Variants in SLC12A8 observed in about 807,000 individuals in gnomAD.
SLC12A8 encodes solute carrier family 12 member 8.
In SLC12A8, 69 loss-of-function variants were observed where a neutral mutation model predicts 75.6. That is an observed-to-expected ratio of 0.91 (90% CI 0.75 to 1.11). SLC12A8 has a LOEUF of 1.11. Ranked by LOEUF, SLC12A8 falls within the 50% of genes most tolerant of loss-of-function variation. The probability of loss-of-function intolerance (pLI) is 0.00; values close to 1 mark genes in which losing one functional copy is unlikely to be tolerated. For synonymous variants in SLC12A8, 365 were observed against 372.8 expected (o/e 0.98, Z 0.24); for missense variants, 877 against 896.7 (o/e 0.98, Z 0.28).
In SLC12A8 at chr3:125,083,709, G is replaced by A. The variant is rs1427435478; in HGVS notation, c.*181C>T. 14 of 599,538 alleles carry A rather than the reference G, an allele frequency of 2.3e-5. No homozygotes were observed. Among genetic ancestry groups the A allele is most frequent in the Admixed American group, 3.3e-5 (1 of 30,594 alleles). The allele number at this position is 599,538 out of a possible 1,614,324, so 37.1% of individuals were successfully genotyped here. On this transcript the variant is annotated 3_prime_UTR_variant, in exon 14 of 14. Coordinates refer to ENST00000469902, the MANE Select transcript of SLC12A8 (RefSeq NM_024628.6). ...TGGACTCCAGCCTGGGTGACAGGGC[G>A]AGACTCTGTCTCAAAAAAAAAAAAA...
chr3:125,107,905 G>T lies in SLC12A8; in HGVS notation c.1281C>A (p.Leu427=), dbSNP rs1939073664. The T allele has an allele frequency of 6.2e-7, 1 of 1,614,092 alleles. No individual in the cohort carries two copies. Residue 427 remains leucine, a synonymous_variant, in exon 10 of 14, where the codon CTC becomes CTA. Coordinates refer to ENST00000469902, the MANE Select transcript of SLC12A8 (RefSeq NM_024628.6). The stretch of plus-strand genomic sequence containing the variant: ...CTAAGAGCAGGTGCTCAGAGCAGTG[G>T]AGGCCTTCTGCGCCCTCCCTGAGCA... The part of the protein sequence containing the change: ...EPVLREGAEG[L]HCSEHLLLEK...
chr3:125,203,065 G>A (rs1935156394), intron 2 of SLC12A8, among the ~76,000 whole-genome samples: 1 of 145,450 alleles, frequency 6.9e-6, no homozygotes, highest in African/African-American at 2.6e-5. Context: ...TCTAGCCTGG[G>A]GGACAAGAGC....
chr3:125,110,372 C>T, intron 8 of SLC12A8, 37 bp from the exon 9 acceptor site: 1 of 1,599,264 alleles, frequency 6.3e-7, no homozygotes, highest in Non-Finnish European at 8.5e-7. Context: ...AGTGCCAGAA[C>T]CTGCTCCTGT....
intron 11 of SLC12A8, 86 bp downstream of exon 11, chr3:125,092,015 C>T: frequency 8.8e-6 from 8 of 913,066 alleles, no homozygotes; most frequent in Non-Finnish European, 1.4e-5. Flanking sequence ...GGCCCTCCAT[C>T]TTTCCTCCCC....
intron 4 of SLC12A8, among the ~76,000 whole-genome samples, chr3:125,185,110 C>T (rs1173608172): frequency 1.3e-5 from 2 of 152,110 alleles, no homozygotes; most frequent in Non-Finnish European, 2.9e-5. Flanking sequence ...CACCTCAGGT[C>T]GGGAGTTCAA....
intron 5 of SLC12A8, among the ~76,000 whole-genome samples, chr3:125,161,876 T>C (rs1446207351): frequency 6.6e-6 from 1 of 152,194 alleles, no homozygotes; most frequent in Non-Finnish European, 1.5e-5. Flanking sequence ...TCTCCTTTCC[T>C]TGCAAACAAA....
At chr3:125,195,611 C>T (rs1406200288) in intron 2 of SLC12A8, among the ~76,000 whole-genome samples, 5 of 144,162 alleles carry the variant, frequency 3.5e-5, no homozygotes, top group Admixed American at 1.4e-4. Context: ...TTTTTTTCTC[C>T]ATATCTGTGC....
intron 10 of SLC12A8, among the ~76,000 whole-genome samples, chr3:125,107,259 A>G (rs1939050347): frequency 6.6e-6 from 1 of 152,244 alleles, no homozygotes; most frequent in South Asian, 2.1e-4. Flanking sequence ...GGTCTAACAT[A>G]CAGGAGTAGA....
rs371545381 is a variant in SLC12A8 at position 125,107,457 on chromosome 3, C to A, written c.1705+24G>T. 1,441 of 1,581,680 alleles carry A rather than the reference C, an allele frequency of 9.1e-4. 3 individuals are homozygous for A. The highest frequency in any genetic ancestry group is 1.1e-3 in the Non-Finnish European group (1,300 of 1,158,634). On this transcript the variant is annotated intron_variant, in intron 10 of 13. Transcript: ENST00000469902. Reference sequence around the variant, plus strand: ...AGTGGTCATCCCCAAATAAGAGGCCCCAGTGTGATACCAGAGCACTCACCT... The same window carrying A: ...AGTGGTCATCCCCAAATAAGAGGCCACAGTGTGATACCAGAGCACTCACCT...
chr3:125,191,752 C>T lies in SLC12A8; in HGVS notation c.52-1231G>A, dbSNP rs552166636. Reference sequence around the variant, plus strand: ...GAGGATCCCAGCTCCTCTTCCACCTCCTGTATCAGACATCCACAGATCAAG... The same window carrying T: ...GAGGATCCCAGCTCCTCTTCCACCTTCTGTATCAGACATCCACAGATCAAG... On this transcript the variant is annotated intron_variant, in intron 2 of 13. Transcript: ENST00000469902. 5.9e-5 allele frequency among the ~76,000 whole-genome samples: 9 copies of T among 152,290 alleles called. No homozygotes were observed. The East Asian group carries it at 1.7e-3, about 29-fold the overall frequency.
At chr3:125,149,199 G>T (rs1000882461) in intron 5 of SLC12A8, among the ~76,000 whole-genome samples, 2 of 152,218 alleles carry the variant, frequency 1.3e-5, no homozygotes, top group Non-Finnish European at 2.9e-5. Flanking sequence ...AGACTCGGGG[G>T]TCGAAGCTGG....
At chr3:125,194,601 G>A (rs1352779289) in intron 2 of SLC12A8, among the ~76,000 whole-genome samples, 1 of 152,220 alleles carries the variant, frequency 6.6e-6, no homozygotes, top group Non-Finnish European at 1.5e-5. Flanking sequence ...GCCTCAAACA[G>A]TCACCAGCTA....
At position 125,108,028 on chromosome 3, in the gene SLC12A8, G is replaced by A. The variant is rs369947261; in HGVS notation, c.1158C>T (p.Ile386=). 22 of 1,614,136 alleles carry A rather than the reference G, an allele frequency of 1.4e-5. No homozygotes were observed. In the African/African-American group the frequency reaches 2.4e-4, roughly 18 times the overall value. Residue 386 remains isoleucine, a synonymous_variant, in exon 10 of 14, where the codon ATC becomes ATT. Coordinates refer to ENST00000469902, the MANE Select transcript of SLC12A8 (RefSeq NM_024628.6). Reference sequence around the variant, plus strand: ...ATGTCAGCATGAAGTTGATGGTGACGATGGGGGCCAGAACGTTCACTTGAC... The same window carrying A: ...ATGTCAGCATGAAGTTGATGGTGACAATGGGGGCCAGAACGTTCACTTGAC... The part of the protein sequence containing the change: ...FVGQVNVLAP[I]VTINFMLTYV...
intron 6 of SLC12A8, among the ~76,000 whole-genome samples, chr3:125,125,645 C>A (rs188928413): frequency 6.6e-6 from 1 of 152,192 alleles, no homozygotes; most frequent in Non-Finnish European, 1.5e-5. Context: ...TCTACTCCAA[C>A]CTTTTATTTC....
At chr3:125,180,345 A>G (rs1449699499) in intron 4 of SLC12A8, among the ~76,000 whole-genome samples, 1 of 152,168 alleles carries the variant, frequency 6.6e-6, no homozygotes, top group Non-Finnish European at 1.5e-5. Flanking sequence ...AACCTTCAAA[A>G]GGTTACTGTG....
intron 5 of SLC12A8, among the ~76,000 whole-genome samples, chr3:125,176,917 C>T (rs529491603): frequency 0.05 from 7,618 of 151,742 alleles, 363 homozygotes; most frequent in African/African-American, 0.12. Context: ...GTCGGTGTGG[C>T]GATTCCTCAC....
chr3:125,143,584 A>C (rs963828646), intron 5 of SLC12A8, among the ~76,000 whole-genome samples: 1 of 152,230 alleles, frequency 6.6e-6, no homozygotes, highest in Admixed American at 6.5e-5. Flanking sequence ...TGGGCATTCC[A>C]ACAGTGGCCA....
At chr3:125,088,618 A>G (rs1305383222) in intron 12 of SLC12A8, among the ~76,000 whole-genome samples, 4 of 152,218 alleles carry the variant, frequency 2.6e-5, no homozygotes, top group Non-Finnish European at 4.4e-5. Context: ...CTCCCAAAAA[A>G]CTGGATAAAG....
In SLC12A8 at chr3:125,145,868, C is replaced by A. The variant is rs532579950; in HGVS notation, c.623-10086G>T. On this transcript the variant is annotated intron_variant, in intron 5 of 13. Coordinates refer to ENST00000469902, the MANE Select transcript of SLC12A8 (RefSeq NM_024628.6). ...TTTGAGACTGGGTCTTGCTCTGTCA[C>A]CCCATCTGGAGTGCAGTGGCACGAT... Among the ~76,000 whole-genome samples the A allele has an allele frequency of 5.3e-5, 8 of 152,298 alleles. No homozygotes were observed. In the South Asian group the frequency reaches 1.5e-3, roughly 28 times the overall value.
Sources: allele counts gnomAD v4.1 joint callset (sites outside exome capture counted in the v4.1 genomes callset), GRCh38; gene constraint gnomAD v4.1.1; transcripts MANE v1.5; gene names NCBI Gene and HGNC (gene_info 2026-07-23, HGNC 2026-07-21).